Variants in ADGRL2 observed in about 807,000 individuals in gnomAD.
ADGRL2 encodes calcium-independent alpha-latrotoxin receptor 2.
Under a neutral mutation model 157.4 loss-of-function variants are expected in ADGRL2, and 44 were observed. That is an observed-to-expected ratio of 0.28 (90% CI 0.22 to 0.36). The LOEUF (loss-of-function observed/expected upper bound fraction) is 0.36, where lower values mean the gene tolerates loss of function less well. Among genes scored for constraint, ADGRL2 ranks in the 10% least tolerant of loss-of-function variants. ADGRL2 has a pLI of 1.00. For missense variants in ADGRL2, 1,510 were observed against 1,768.9 expected (o/e 0.85, Z 2.63); for synonymous variants, 585 against 624.7 (o/e 0.94, Z 0.95).
At chr1:81,775,584 T>TA (rs78771563) in intron 2 of ADGRL2, among the ~76,000 whole-genome samples, 165 of 138,742 alleles carry the variant, frequency 1.2e-3, no homozygotes, top group Admixed American at 2.9e-3. Context: ...GGTCCTGGTT[T>TA]AAAAAAAAAA....
At chr1:81,776,217 C>G (rs1166788818) in intron 2 of ADGRL2, among the ~76,000 whole-genome samples, 1 of 146,594 alleles carries the variant, frequency 6.8e-6, no homozygotes, top group Non-Finnish European at 1.5e-5. Context: ...GAGATGGAGT[C>G]TCACTCTGTC....
intron 3 of ADGRL2, among the ~76,000 whole-genome samples, chr1:81,666,915 C>A (rs1295391227): frequency 6.6e-6 from 1 of 152,114 alleles, no homozygotes; most frequent in African/African-American, 2.4e-5. Flanking sequence ...TAAGTCTCTG[C>A]TTTTAGAAGG....
intron 3 of ADGRL2, among the ~76,000 whole-genome samples, chr1:81,667,923 C>A (rs534933834): frequency 1.3e-5 from 2 of 152,118 alleles, no homozygotes; most frequent in South Asian, 4.1e-4. Context: ...ATTTAGGTAA[C>A]TTGATTTAAA....
chr1:81,793,129 TG>T (rs1387517625), intron 2 of ADGRL2, among the ~76,000 whole-genome samples: 2 of 152,134 alleles, frequency 1.3e-5, no homozygotes, highest in African/African-American at 4.8e-5. Flanking sequence ...AGCGAAATTT[TG>T]GCATAGTTTC....
intron 23 of ADGRL2, chr1:81,989,571 A>T: frequency 9.8e-7 from 1 of 1,015,808 alleles, no homozygotes; most frequent in Non-Finnish European, 1.5e-6. Context: ...TAATTTGTTG[A>T]ACCCTTGCTC....
chr1:81,371,236 A>C (rs2076155691), intron 1 of ADGRL2, among the ~76,000 whole-genome samples: 2 of 152,214 alleles, frequency 1.3e-5, no homozygotes, highest in Admixed American at 1.3e-4. Context: ...CTATAGCCAT[A>C]GGAATAAAAT....
chr1:81,703,974 T>G (rs552932509), intron 1 of ADGRL2, among the ~76,000 whole-genome samples: 1 of 152,300 alleles, frequency 6.6e-6, no homozygotes, highest in South Asian at 2.1e-4. Context: ...AGCTTAGTCT[T>G]TAAGGAAAAA....
rs1243217729 is a variant in ADGRL2 at position 81,943,639 on chromosome 1, T to G, written c.1080T>G (p.Val360=). 6.2e-7 allele frequency: 1 copy of G among 1,613,662 alleles called. No homozygotes were observed. Among genetic ancestry groups the G allele is most frequent in the Non-Finnish European group, 8.5e-7 (1 of 1,179,690 alleles). The part of the protein sequence containing the change: ...TRLNRGEYVD[V]PFPNQYQYIA... ...TAAACCGAGGAGAATATGTAGATGTTCCCTTCCCCAACCAGTATCAGTATA... is the reference window on the plus strand; with the variant it reads ...TAAACCGAGGAGAATATGTAGATGTGCCCTTCCCCAACCAGTATCAGTATA... Residue 360 remains valine, a synonymous_variant, in exon 6 of 24, where the codon GTT becomes GTG. Coordinates refer to ENST00000686636, the MANE Select transcript of ADGRL2 (RefSeq NM_001366006.2). The surrounding 1 kb of genome is among the most constrained non-coding windows in gnomAD (Gnocchi z 5.6).
chr1:81,924,023 T>C (rs1160362234), intron 3 of ADGRL2, among the ~76,000 whole-genome samples: 1 of 152,218 alleles, frequency 6.6e-6, no homozygotes, highest in Admixed American at 6.5e-5. Flanking sequence ...ATTAATAATA[T>C]AGAGCTGCTG....
intron 3 of ADGRL2, among the ~76,000 whole-genome samples, chr1:81,931,528 A>C (rs2095230376): frequency 6.6e-6 from 1 of 152,174 alleles, no homozygotes; most frequent in Non-Finnish European, 1.5e-5. Flanking sequence ...TTGTATGCCA[A>C]ATTTGAAAAT....
intron 2 of ADGRL2, among the ~76,000 whole-genome samples, chr1:81,794,500 G>A (rs998913563): frequency 6.6e-6 from 1 of 152,128 alleles, no homozygotes; most frequent in African/African-American, 2.4e-5. Flanking sequence ...AACTGGACAG[G>A]TTATTTATGT....
At chr1:81,504,454 A>G (rs184206189) in intron 2 of ADGRL2, among the ~76,000 whole-genome samples, 2 of 151,854 alleles carry the variant, frequency 1.3e-5, no homozygotes, top group African/African-American at 2.4e-5. Flanking sequence ...AAGTATTTGC[A>G]TCTCTGAAAT....
chr1:81,598,168 G>T (rs960261404), intron 3 of ADGRL2, among the ~76,000 whole-genome samples: 1 of 152,176 alleles, frequency 6.6e-6, no homozygotes, highest in East Asian at 1.9e-4. Flanking sequence ...CTTTCAAGGT[G>T]CAGAGGTGAA....
intron 3 of ADGRL2, among the ~76,000 whole-genome samples, chr1:81,605,522 C>T (rs1010024982): frequency 1.3e-5 from 2 of 152,154 alleles, no homozygotes; most frequent in Non-Finnish European, 1.5e-5. Flanking sequence ...TAAGTTGAGA[C>T]CCTTCTTCAT....
chr1:81,860,333 TTTTA>T (rs1488349222), intron 2 of ADGRL2, among the ~76,000 whole-genome samples: 1 of 152,190 alleles, frequency 6.6e-6, no homozygotes, highest in Non-Finnish European at 1.5e-5. Flanking sequence ...TTTATTTTTA[TTTTA>T]TTTATTAACT....
chr1:81,650,685 A>G (rs573633815), intron 3 of ADGRL2, among the ~76,000 whole-genome samples: 5 of 152,322 alleles, frequency 3.3e-5, no homozygotes, highest in Admixed American at 3.3e-4. Flanking sequence ...AGATGTATTC[A>G]GACATCACGC....
chr1:81,880,405 A>G (rs1453108206), intron 2 of ADGRL2, among the ~76,000 whole-genome samples: 1 of 152,164 alleles, frequency 6.6e-6, no homozygotes, highest in Non-Finnish European at 1.5e-5. Flanking sequence ...TAATTTTAAG[A>G]TATTGATGCA....
intron 2 of ADGRL2, chr1:81,505,847 C>T: frequency 5.7e-6 from 2 of 351,962 alleles, no homozygotes; most frequent in South Asian, 5.0e-5. Context: ...TCCACCTCAG[C>T]TTTTGTTCTT....
chr1:81,485,794 T>G (rs1441077029), intron 2 of ADGRL2, among the ~76,000 whole-genome samples: 2 of 152,170 alleles, frequency 1.3e-5, no homozygotes, highest in African/African-American at 4.8e-5. Flanking sequence ...AAACATTGAT[T>G]AGCAGTGCAG....
Sources: gnomAD v4.1 joint callset for allele counts (sites outside exome capture counted in the v4.1 genomes callset) on GRCh38, gnomAD v4.1.1 for gene constraint, Gnocchi (gnomAD v3.1) non-coding constraint, MANE v1.5 for transcripts, NCBI Gene and HGNC (gene_info 2026-07-23, HGNC 2026-07-21) for gene names.